VPS11: variants seen among roughly 807,000 people sequenced by gnomAD.
VPS11 encodes vacuolar protein sorting-associated protein 11 homolog.
Under a neutral mutation model 106.8 loss-of-function variants are expected in VPS11, and 51 were observed. The ratio of observed to expected loss-of-function variants is 0.48; its 90% CI spans 0.38 to 0.60. VPS11 has a LOEUF of 0.60. Ranked by LOEUF, VPS11 falls within the 20% of genes least tolerant of loss-of-function variation. VPS11 has a pLI of 0.00. For synonymous variants in VPS11, 453 were observed against 458.7 expected, an observed-to-expected ratio of 0.99 and a Z score of 0.16; for missense variants, 950 against 1,190.0, an observed-to-expected ratio of 0.80 and a Z score of 2.97.
intron 6 of VPS11, 30 bp downstream of exon 6, chr11:119,073,429 A>G: frequency 1.2e-6 from 2 of 1,606,468 alleles, no homozygotes; most frequent in Non-Finnish European, 1.7e-6. Flanking sequence ...AGAGCTGGCC[A>G]CAGGCACCTA....
At position 119,078,656 on chromosome 11, in the gene VPS11, T is replaced by A. The variant is rs782314439; in HGVS notation, c.2015T>A (p.Met672Lys). 6.2e-7 allele frequency: 1 copy of A among 1,613,656 alleles called. No individual in the cohort carries two copies. The highest frequency in any genetic ancestry group is 1.3e-5 in the African/African-American group (1 of 75,058). The change falls in exon 12 of 16, where the codon ATG becomes AAG. Residue 672 changes from methionine (M) to lysine (K), a missense_variant. This residue lies in a region of VPS11 where 453 missense variants were observed against 514.6 expected (regional missense o/e 0.88). Coordinates refer to ENST00000621676, the MANE Select transcript of VPS11 (RefSeq NM_021729.6). ...GACAAGGCCCTGGTCCTGTGCCAGA[T>A]GCACGACTTCCAGGATGGTGTCCTT... is the stretch of plus-strand genomic sequence containing the variant. ...VFDKALVLCQ[M>K]HDFQDGVLYL...
Position 119,071,771 on chromosome 11 carries a change from GC to G in VPS11, c.814del (p.His272IlefsTer40). On this transcript the variant is annotated frameshift_variant, in exon 5 of 16. Transcript: ENST00000621676. LOFTEE classifies it high-confidence loss of function. The stretch of plus-strand genomic sequence containing the variant: ...CGTGGGCCCTGCTTCGCCTTTGAGG[GC>G]CATAAGCTCATTGCCCACTGGTTTA... The part of the protein sequence containing the change: ...DERGPCFAFE[G>X]HKLIAHWFRG... The G allele has an allele frequency of 6.2e-7, 1 of 1,613,970 alleles. No individual in the cohort carries two copies. The highest frequency in any genetic ancestry group is 1.6e-4 in the Middle Eastern group (1 of 6,062).
At position 119,069,343 on chromosome 11, in the gene VPS11, TG is replaced by T; in HGVS notation, c.336+1del. 1.2e-6 allele frequency: 2 copies of T among 1,613,990 alleles called. No homozygotes were observed. The highest frequency in any genetic ancestry group is 1.7e-6 in the Non-Finnish European group (2 of 1,179,890). On this transcript the variant is annotated frameshift_variant and splice_region_variant, in exon 2 of 16. Transcript: ENST00000621676. LOFTEE classifies it high-confidence loss of function. ...VGEDEEGINP[L>X]VKIWNLEKRD... The stretch of plus-strand genomic sequence containing the variant: ...GAAGATGAAGAGGGCATCAACCCCT[TG>T]GTGAGTCCCAGCAGGGAAATGGGAA...
chr11:119,069,634 GCTT>G, intron 3 of VPS11, 57 bp downstream of exon 3: 1 of 1,609,738 alleles, frequency 6.2e-7, no homozygotes, highest in Non-Finnish European at 8.5e-7. Context: ...CTTCAGAGTT[GCTT>G]CTGCCTCTCA....
In VPS11 at chr11:119,079,317, T is replaced by C. The variant is rs1315252152; in HGVS notation, c.2438+17T>C. On this transcript the variant is annotated intron_variant, in intron 14 of 15. Transcript: ENST00000621676. Reference sequence around the variant, plus strand: ...CAAGGCCAGGTACCCGGGGCATGGATATGTGGAGGAGTCCAGGGGATAACT... The same window carrying C: ...CAAGGCCAGGTACCCGGGGCATGGACATGTGGAGGAGTCCAGGGGATAACT... 6.4e-7 allele frequency: 1 copy of C among 1,572,452 alleles called. No individual in the cohort carries two copies. Among genetic ancestry groups the C allele is most frequent in the Admixed American group, 1.9e-5 (1 of 52,476 alleles).
chr11:119,077,691 A>G, intron 9 of VPS11, 44 bp downstream of exon 9: 1 of 1,556,682 alleles, frequency 6.4e-7, no homozygotes, highest in Non-Finnish European at 8.7e-7. Flanking sequence ...GGGTCTCACT[A>G]TGTTGCCCAG....
At position 119,071,606 on chromosome 11, in the gene VPS11, T is replaced by C; in HGVS notation, c.647T>C (p.Val216Ala). 6.2e-7 allele frequency: 1 copy of C among 1,613,938 alleles called. No individual in the cohort carries two copies. The highest frequency in any genetic ancestry group is 8.5e-7 in the Non-Finnish European group (1 of 1,179,866). Residue 216 changes from valine (V) to alanine (A), a missense_variant, in exon 5 of 16, where the codon GTT (valine) becomes GCT (alanine). By Grantham distance (64) the Val-to-Ala change is moderately conservative. Coordinates refer to ENST00000621676, the MANE Select transcript of VPS11 (RefSeq NM_021729.6). ...VTTENVQSYI[V>A]SGKDYPRVEL... The stretch of plus-strand genomic sequence containing the variant: ...TGTTGCTTCTGGCAGTCCTATATAG[T>C]TTCTGGAAAAGACTACCCTCGCGTG...
intron 5 of VPS11, 24 bp from the exon 6 acceptor site, chr11:119,073,174 T>G: frequency 6.2e-7 from 1 of 1,600,168 alleles, no homozygotes; most frequent in Non-Finnish European, 8.5e-7. Flanking sequence ...TCCAAACATC[T>G]GGTGCTTTTT....
chr11:119,077,462 C>G, intron 8 of VPS11, 39 bp from the exon 9 acceptor site: 1 of 1,603,952 alleles, frequency 6.2e-7, no homozygotes. Flanking sequence ...TCTCTATCTC[C>G]CTCTGTGTAA....
At chr11:119,072,335 T>C (rs1945430257) in intron 5 of VPS11, 1 of 166,606 alleles carries the variant, frequency 6.0e-6, no homozygotes, top group Admixed American at 5.5e-5. Context: ...TTACTGCAGG[T>C]ATTTGCTACA....
In VPS11 at chr11:119,081,634, G is replaced by A; in HGVS notation, c.*11G>A. On this transcript the variant is annotated 3_prime_UTR_variant, in exon 16 of 16. Coordinates refer to ENST00000621676, the MANE Select transcript of VPS11 (RefSeq NM_021729.6). ...AGGAGGGGCACTTAAGCAGCCTGGA[G>A]GAAGATGTGGGCAACAGTGGAGGAC... 6.2e-7 allele frequency: 1 copy of A among 1,613,308 alleles called. No homozygotes were observed. The highest frequency in any genetic ancestry group is 8.5e-7 in the Non-Finnish European group (1 of 1,179,552).
Position 119,078,691 on chromosome 11 carries a change from G to A in VPS11, c.2050G>A (p.Glu684Lys), listed in dbSNP as rs1945731128. The A allele has an allele frequency of 6.2e-7, 1 of 1,612,062 alleles. No homozygotes were observed. Among genetic ancestry groups the A allele is most frequent in the Non-Finnish European group, 8.5e-7 (1 of 1,178,676 alleles). Residue 684 changes from glutamate to lysine, a missense_variant, in exon 12 of 16, where the codon GAG becomes AAG. Transcript: ENST00000621676. ...DFQDGVLYLYEQGKLFQQIMH... is the reference protein window; with the variant it reads ...DFQDGVLYLYKQGKLFQQIMH... ...CCAGGATGGTGTCCTTTACCTTTATGAGCAGGGGAAGCTGTAAGAGTTTGG... is the reference window on the plus strand; with the variant it reads ...CCAGGATGGTGTCCTTTACCTTTATAAGCAGGGGAAGCTGTAAGAGTTTGG...
intron 4 of VPS11, among the ~76,000 whole-genome samples, chr11:119,070,942 T>TC (rs1555202057): frequency 1.3e-4 from 19 of 141,236 alleles, no homozygotes; most frequent in East Asian, 7.9e-4. Context: ...TTTTTTTTTT[T>TC]CTTTGAGACA....
intron 10 of VPS11, 31 bp downstream of exon 10, chr11:119,078,097 G>T (rs1349683755): frequency 6.2e-7 from 1 of 1,609,266 alleles, no homozygotes; most frequent in Non-Finnish European, 8.5e-7. Flanking sequence ...GCTTCAGACT[G>T]TGGGGATCAC....
intron 13 of VPS11, 38 bp from the exon 14 acceptor site, chr11:119,079,091 G>C: frequency 1.2e-6 from 2 of 1,611,860 alleles, no homozygotes; most frequent in South Asian, 2.2e-5. Flanking sequence ...TGCCACACGT[G>C]GTTGATTGTC....
Position 119,078,866 on chromosome 11 carries a change from A to G in VPS11, c.2135A>G (p.His712Arg), listed in dbSNP as rs782324692. The G allele has an allele frequency of 3.1e-6, 5 of 1,613,882 alleles. No individual in the cohort carries two copies. In the African/African-American group the frequency reaches 6.7e-5, roughly 22 times the overall value. Residue 712 changes from histidine (H) to arginine (R), a missense_variant, in exon 13 of 16, where the codon CAT becomes CGT. Physicochemically the swap from His to Arg is conservative, Grantham distance 29. Transcript: ENST00000621676. ...CAGGTCATCAGCGTGTGTGAGCGCC[A>G]TGGGGAGCAGGACCCCTCCTTGTGG... ...YRQVISVCER[H>R]GEQDPSLWEQ...
At chr11:119,071,514 G>A in intron 4 of VPS11, 82 bp from the exon 5 acceptor site, 1 of 1,536,686 alleles carries the variant, frequency 6.5e-7, no homozygotes, top group East Asian at 2.3e-5. Flanking sequence ...AAAAGAGCCA[G>A]TATGGAGATG....
intron 9 of VPS11, 30 bp downstream of exon 9, chr11:119,077,677 G>C: frequency 6.4e-7 from 1 of 1,566,112 alleles, no homozygotes; most frequent in Non-Finnish European, 8.7e-7. Context: ...TTCCCCAAGA[G>C]ACAGGGTCTC....
rs914945151 is a variant in VPS11, at chr11:119,069,198, A to G, written c.190A>G (p.Met64Val). The change falls in exon 2 of 16, where the codon ATG (methionine) becomes GTG (valine). Residue 64 changes from methionine (M) to valine (V), a missense_variant and splice_region_variant. Around this residue, in one of 3 missense-constraint regions of VPS11, gnomAD observed 435 missense variants for 630.2 expected, o/e 0.69. Transcript: ENST00000621676. Reference protein sequence around the residue: ...SGRGSLVFGDMEGQIWFLPRS... With the variant: ...SGRGSLVFGDVEGQIWFLPRS... ...GAGGCTCCTTGACTACCCTGCACATATGGAAGGCCAGATCTGGTTCTTGCC... is the reference window on the plus strand; with the variant it reads ...GAGGCTCCTTGACTACCCTGCACATGTGGAAGGCCAGATCTGGTTCTTGCC... 1.9e-6 allele frequency: 3 copies of G among 1,613,788 alleles called. No homozygotes were observed. Among genetic ancestry groups the G allele is most frequent in the Non-Finnish European group, 2.5e-6 (3 of 1,179,898 alleles).
Sources: gnomAD v4.1 joint callset for allele counts (sites outside exome capture counted in the v4.1 genomes callset) on GRCh38, gnomAD v4.1.1 for gene constraint, gnomAD v4.1.1 regional missense constraint, MANE v1.5 for transcripts, NCBI Gene and HGNC (gene_info 2026-07-23, HGNC 2026-07-21) for gene names.